RCAN2: variants seen among roughly 807,000 people sequenced by gnomAD.
RCAN2 encodes regulator of calcineurin 2.
A neutral mutation model predicts 23.6 loss-of-function variants in RCAN2; 9 were observed. The observed-to-expected ratio is 0.38, with a 90% CI of 0.23 to 0.67. RCAN2 has a LOEUF of 0.67. Ranked by LOEUF, RCAN2 falls within the 30% of genes least tolerant of loss-of-function variation. The pLI is 0.51. For synonymous variants in RCAN2, 109 were observed against 115.7 expected (o/e 0.94, Z 0.37); for missense variants, 273 against 302.3 (o/e 0.90, Z 0.72).
chr6:46,480,629 T>C (rs1479822068), intron 1 of RCAN2, among the ~76,000 whole-genome samples: 1 of 110,146 alleles, frequency 9.1e-6, no homozygotes, highest in Non-Finnish European at 2.4e-5. Context: ...GTAGAGTTAC[T>C]TGTTTTTTTT....
At chr6:46,458,824 A>T (rs1043146350) in intron 1 of RCAN2, among the ~76,000 whole-genome samples, 1 of 152,246 alleles carries the variant, frequency 6.6e-6, no homozygotes, top group African/African-American at 2.4e-5. Flanking sequence ...TTTTAATAGT[A>T]AAAATATTTA....
intron 2 of RCAN2, among the ~76,000 whole-genome samples, chr6:46,370,583 G>A (rs1765298419): frequency 6.6e-6 from 1 of 152,156 alleles, no homozygotes; most frequent in Non-Finnish European, 1.5e-5. Flanking sequence ...CTCTTACTAG[G>A]CCTAGTGACA....
intron 2 of RCAN2, among the ~76,000 whole-genome samples, chr6:46,308,105 T>C (rs551682389): frequency 1.2e-3 from 188 of 152,234 alleles, no homozygotes; most frequent in Non-Finnish European, 2.3e-3. Flanking sequence ...ACAACCCAGT[T>C]TGGATCTCAG....
At chr6:46,308,608 T>C (rs1763144848) in intron 2 of RCAN2, among the ~76,000 whole-genome samples, 2 of 152,094 alleles carry the variant, frequency 1.3e-5, no homozygotes, top group South Asian at 4.1e-4. Flanking sequence ...GGGAGACCTC[T>C]GGGATGTGAG....
chr6:46,271,183 G>A (rs1767512619), intron 2 of RCAN2, among the ~76,000 whole-genome samples: 1 of 152,150 alleles, frequency 6.6e-6, no homozygotes, highest in African/African-American at 2.4e-5. Flanking sequence ...TCTATTTAAT[G>A]AGAGAAAGAG....
chr6:46,421,787 T>C (rs1212224121), intron 2 of RCAN2, among the ~76,000 whole-genome samples: 1 of 152,224 alleles, frequency 6.6e-6, no homozygotes, highest in Non-Finnish European at 1.5e-5. Flanking sequence ...AGAAAGTCAC[T>C]GATCTTTATA....
chr6:46,361,281 G>A (rs1253044993), intron 2 of RCAN2, among the ~76,000 whole-genome samples: 1 of 152,160 alleles, frequency 6.6e-6, no homozygotes, highest in Non-Finnish European at 1.5e-5. Context: ...TGAATGAGCT[G>A]AAACCTCTGT....
intron 2 of RCAN2, among the ~76,000 whole-genome samples, chr6:46,281,364 A>G (rs1196195686): frequency 1.3e-5 from 2 of 152,252 alleles, no homozygotes; most frequent in Admixed American, 1.3e-4. Flanking sequence ...TCAGAACCAC[A>G]GATTCCTGGA....
chr6:46,445,736 A>T (rs751058203), intron 2 of RCAN2, among the ~76,000 whole-genome samples: 1 of 152,218 alleles, frequency 6.6e-6, no homozygotes, highest in Non-Finnish European at 1.5e-5. Context: ...TTGAATTATT[A>T]AAAAAATTCT....
At chr6:46,458,787 T>C (rs1481227746) in intron 1 of RCAN2, among the ~76,000 whole-genome samples, 1 of 152,214 alleles carries the variant, frequency 6.6e-6, no homozygotes, top group Non-Finnish European at 1.5e-5. Flanking sequence ...AACACCTAAT[T>C]ACCGTCATTT....
At chr6:46,388,903 C>G (rs543766494) in intron 2 of RCAN2, among the ~76,000 whole-genome samples, 1 of 151,854 alleles carries the variant, frequency 6.6e-6, no homozygotes, top group Admixed American at 6.6e-5. Context: ...CCATGGCACG[C>G]GTATACCTAT....
At chr6:46,313,393 A>C (rs1201021524) in intron 2 of RCAN2, among the ~76,000 whole-genome samples, 3 of 152,236 alleles carry the variant, frequency 2.0e-5, no homozygotes, top group African/African-American at 7.2e-5. Context: ...CTACACACTG[A>C]GTGCTCCATC....
chr6:46,449,061 T>C lies in RCAN2; in HGVS notation c.225+7691A>G, dbSNP rs575946879. Among the ~76,000 whole-genome samples, 5 of 151,992 alleles carry C rather than the reference T, an allele frequency of 3.3e-5. No individual in the cohort carries two copies. The East Asian group carries it at 9.7e-4, about 29-fold the overall frequency. ...TTGTCCTTATCTGCAGATTACGTGATCTTATACATAGAAAACCCTCAACAC... is the reference window on the plus strand; with the variant it reads ...TTGTCCTTATCTGCAGATTACGTGACCTTATACATAGAAAACCCTCAACAC... On this transcript the variant is annotated intron_variant, in intron 2 of 4. Coordinates refer to ENST00000371374, the MANE Select transcript of RCAN2 (RefSeq NM_001251974.2).
chr6:46,229,059 G>A (rs1765781474), intron 4 of RCAN2, among the ~76,000 whole-genome samples: 1 of 152,172 alleles, frequency 6.6e-6, no homozygotes, highest in South Asian at 2.1e-4. Flanking sequence ...GAAATTCTGG[G>A]TTGAAAATTC....
At chr6:46,224,779 C>A (rs1051398587) in intron 4 of RCAN2, among the ~76,000 whole-genome samples, 5 of 150,066 alleles carry the variant, frequency 3.3e-5, no homozygotes, top group African/African-American at 1.0e-4. Flanking sequence ...CAAACTTTCA[C>A]AAGGTACAGT....
At chr6:46,298,959 A>G (rs1345222324) in intron 2 of RCAN2, among the ~76,000 whole-genome samples, 2 of 152,118 alleles carry the variant, frequency 1.3e-5, no homozygotes, top group Non-Finnish European at 2.9e-5. Flanking sequence ...CTTTGCTGCA[A>G]CATGGATGCA....
At chr6:46,485,952 A>G (rs1582240188) in intron 1 of RCAN2, among the ~76,000 whole-genome samples, 1 of 152,166 alleles carries the variant, frequency 6.6e-6, no homozygotes, top group Non-Finnish European at 1.5e-5. Context: ...CATTATATAA[A>G]TGTATTTTAT....
chr6:46,454,954 A>C (rs963912356), intron 2 of RCAN2, among the ~76,000 whole-genome samples: 6 of 152,198 alleles, frequency 3.9e-5, no homozygotes, highest in South Asian at 2.1e-4. Flanking sequence ...CCTAGGCCTC[A>C]TTGTTTCAGT....
intron 4 of RCAN2, among the ~76,000 whole-genome samples, chr6:46,234,260 C>T (rs1766010529): frequency 6.6e-6 from 1 of 152,218 alleles, no homozygotes; most frequent in South Asian, 2.1e-4. Flanking sequence ...TATTCTTGGA[C>T]ACTTTCTTAC....
Sources: allele counts gnomAD v4.1 joint callset (sites outside exome capture counted in the v4.1 genomes callset), GRCh38; gene constraint gnomAD v4.1.1; transcripts MANE v1.5; gene names NCBI Gene and HGNC (gene_info 2026-07-23, HGNC 2026-07-21).